PPP2R2C: variants seen among roughly 807,000 people sequenced by gnomAD.
The protein encoded by PPP2R2C is protein phosphatase 2 regulatory subunit Bgamma, also known as protein phosphatase 2, regulatory subunit B, gamma.
In PPP2R2C, 10 loss-of-function variants were observed where a neutral mutation model predicts 45.3. That is an observed-to-expected ratio of 0.22 (90% CI 0.14 to 0.37). The LOEUF (loss-of-function observed/expected upper bound fraction) is 0.37, where lower values mean the gene tolerates loss of function less well. PPP2R2C is among the 10% of genes least tolerant of loss of function. The probability of loss-of-function intolerance (pLI) is 1.00; values close to 1 mark genes in which losing one functional copy is unlikely to be tolerated. For missense variants in PPP2R2C, 308 were observed against 619.7 expected (o/e 0.50, Z 5.34); for synonymous variants, 257 against 245.4 (o/e 1.05, Z -0.44).
intron 1 of PPP2R2C, among the ~76,000 whole-genome samples, chr4:6,452,094 G>A (rs867041014): frequency 6.6e-6 from 1 of 152,162 alleles, no homozygotes; most frequent in East Asian, 1.9e-4. Context: ...AGTGTGGGGA[G>A]GTTGGGGAGG....
At position 6,424,859 on chromosome 4, in the gene PPP2R2C, G is replaced by C. The variant is rs368699725; in HGVS notation, c.71-43765C>G. On this transcript the variant is annotated intron_variant, in intron 1 of 8. Coordinates refer to ENST00000382599, the MANE Select transcript of PPP2R2C (RefSeq NM_020416.4). ...GGAGGTGAGAGTGAGCCAAGGCTAA[G>C]ACCGTACAGCCAGAGTTTCTGGGTT... Among the ~76,000 whole-genome samples, 58 of 152,340 alleles carry C rather than the reference G, an allele frequency of 3.8e-4. No individual in the cohort carries two copies. In the East Asian group the frequency reaches 9.3e-3, roughly 24 times the overall value.
At chr4:6,333,820 C>T (rs2109176350) in intron 6 of PPP2R2C, 89 bp from the exon 7 acceptor site, 1 of 1,395,974 alleles carries the variant, frequency 7.2e-7, no homozygotes, top group Non-Finnish European at 1.0e-6. Context: ...CACCTGGGCC[C>T]ATGCTCTGTT....
chr4:6,387,458 A>G (rs375287746), intron 1 of PPP2R2C, among the ~76,000 whole-genome samples: 13 of 152,226 alleles, frequency 8.5e-5, no homozygotes, highest in Admixed American at 6.5e-4. Flanking sequence ...TAATGTGCCG[A>G]AAGAAAATGT....
chr4:6,540,371 C>T (rs1385235790), intron 1 of PPP2R2C, among the ~76,000 whole-genome samples: 1 of 152,196 alleles, frequency 6.6e-6, no homozygotes, highest in Non-Finnish European at 1.5e-5. Context: ...ATGATGTGTT[C>T]AAGGTTCATT....
chr4:6,547,964 T>A (rs1474845458), intron 1 of PPP2R2C, among the ~76,000 whole-genome samples: 1 of 152,170 alleles, frequency 6.6e-6, no homozygotes, highest in Non-Finnish European at 1.5e-5. Flanking sequence ...ACACCTGTAA[T>A]CCCAGCACTT....
chr4:6,555,232 G>A (rs1226370592), intron 1 of PPP2R2C, among the ~76,000 whole-genome samples: 1 of 152,140 alleles, frequency 6.6e-6, no homozygotes, highest in Non-Finnish European at 1.5e-5. Context: ...CTCTGTTGGT[G>A]GGTAGATTTC....
chr4:6,504,319 C>T (rs541286872), intron 2 of PPP2R2C, among the ~76,000 whole-genome samples: 1 of 152,248 alleles, frequency 6.6e-6, no homozygotes, highest in African/African-American at 2.4e-5. Flanking sequence ...CTGAGTACAG[C>T]CAACTTAACT....
At chr4:6,379,301 C>T (rs1334894441) in intron 2 of PPP2R2C, among the ~76,000 whole-genome samples, 1 of 152,156 alleles carries the variant, frequency 6.6e-6, no homozygotes, top group Non-Finnish European at 1.5e-5. Flanking sequence ...CTGTGTGCGC[C>T]AGGGACCACG....
chr4:6,350,579 C>T (rs1712455335), intron 5 of PPP2R2C: 3 of 985,174 alleles, frequency 3.0e-6, no homozygotes, highest in South Asian at 4.7e-5. Context: ...GGGGTTATAA[C>T]TCATGGGGCG....
Position 6,372,575 on chromosome 4 carries a change from C to A in PPP2R2C, c.573G>T (p.Ala191=). 2 of 1,614,202 alleles carry A rather than the reference C, an allele frequency of 1.2e-6. No individual in the cohort carries two copies. Among genetic ancestry groups the A allele is most frequent in the Non-Finnish European group, 1.7e-6 (2 of 1,180,038 alleles). The part of the protein sequence containing the change: ...VNSDCETYMS[A]DDLRINLWHL... ...GCCAGAGGTTGATGCGCAGGTCATC[C>A]GCCGACATGTAGGTCTCGCAGTCAC... Residue 191 remains alanine (A), a synonymous_variant, in exon 5 of 9, where the codon GCG becomes GCT. Transcript: ENST00000382599.
intron 5 of PPP2R2C, among the ~76,000 whole-genome samples, 169 bp from the exon 6 acceptor site, chr4:6,348,179 T>C (rs1046077091): frequency 6.6e-6 from 1 of 151,896 alleles, no homozygotes; most frequent in African/African-American, 2.4e-5. Flanking sequence ...CAGACCTGCA[T>C]GGTGAACTGC....
At chr4:6,467,167 A>G (rs1721641768) in intron 1 of PPP2R2C, among the ~76,000 whole-genome samples, 1 of 152,196 alleles carries the variant, frequency 6.6e-6, no homozygotes, top group South Asian at 2.1e-4. Flanking sequence ...AAGCGAAAGG[A>G]ACACAGAATC....
chr4:6,398,177 A>G (rs779869797), intron 1 of PPP2R2C, among the ~76,000 whole-genome samples: 5 of 152,248 alleles, frequency 3.3e-5, no homozygotes, highest in Admixed American at 6.5e-5. Flanking sequence ...TCTAGGAGAC[A>G]TTATAGAAGA....
In PPP2R2C at chr4:6,331,051, T is replaced by C. The variant is rs6837213; in HGVS notation, c.961-1698A>G. On this transcript the variant is annotated intron_variant, in intron 7 of 8. Transcript: ENST00000382599. This position sits in a 1 kb window ranked among gnomAD's most constrained non-coding sequence, Gnocchi z 5.9. ...TGTTGGGCACAGGGTACTGGCTCAG[T>C]ATGTGTAACAACTAAAATCAAGGGG... Among the ~76,000 whole-genome samples the C allele has an allele frequency of 3.3e-5, 5 of 151,906 alleles. No individual in the cohort carries two copies. The highest frequency in any genetic ancestry group is 7.3e-5 in the African/African-American group (3 of 41,318).
At chr4:6,560,250 G>A (rs1374963513) in intron 1 of PPP2R2C, among the ~76,000 whole-genome samples, 1 of 152,266 alleles carries the variant, frequency 6.6e-6, no homozygotes, top group Non-Finnish European at 1.5e-5. Flanking sequence ...AGCCCACCCA[G>A]GCTCTTGGCT....
intron 5 of PPP2R2C, among the ~76,000 whole-genome samples, chr4:6,359,641 A>T (rs1713550417): frequency 6.6e-6 from 1 of 151,484 alleles, no homozygotes; most frequent in African/African-American, 2.4e-5. Context: ...AAAAAAAAGA[A>T]ACTCCTTCAT....
At chr4:6,496,396 C>T (rs945274160) in intron 2 of PPP2R2C, among the ~76,000 whole-genome samples, 11 of 152,290 alleles carry the variant, frequency 7.2e-5, no homozygotes, top group African/African-American at 1.4e-4. Context: ...GTGAAATGGA[C>T]GCAACAGAGG....
At chr4:6,357,937 C>A (rs900031475) in intron 5 of PPP2R2C, among the ~76,000 whole-genome samples, 13 of 152,160 alleles carry the variant, frequency 8.5e-5, no homozygotes, top group African/African-American at 3.1e-4. Flanking sequence ...ACTCCTTCAT[C>A]TCCCCATCAA....
chr4:6,405,805 C>G (rs1229841105), intron 1 of PPP2R2C, among the ~76,000 whole-genome samples: 1 of 152,146 alleles, frequency 6.6e-6, no homozygotes, highest in Non-Finnish European at 1.5e-5. Flanking sequence ...TAAAGCCAGC[C>G]ACGGACAAGC....
Sources: gnomAD v4.1 joint callset for allele counts (sites outside exome capture counted in the v4.1 genomes callset) on GRCh38, gnomAD v4.1.1 for gene constraint, Gnocchi (gnomAD v3.1) non-coding constraint, MANE v1.5 for transcripts, NCBI Gene and HGNC (gene_info 2026-07-23, HGNC 2026-07-21) for gene names.